The following LHFPL3 variants were observed in gnomAD, a reference collection of about 807,000 sequenced individuals.
LHFPL3 encodes the protein LHFPL tetraspan subfamily member 3 protein.
Under a neutral mutation model 19.3 loss-of-function variants are expected in LHFPL3, and 5 were observed. The observed-to-expected ratio is 0.26, with a 90% CI of 0.14 to 0.54. The LOEUF is 0.54. LHFPL3 is among the 20% of genes least tolerant of loss of function. LHFPL3 has a pLI of 0.94. For missense variants in LHFPL3, 249 were observed against 307.4 expected (o/e 0.81, Z 1.42); for synonymous variants, 133 against 126.2 (o/e 1.05, Z -0.36).
intron 2 of LHFPL3, among the ~76,000 whole-genome samples, chr7:104,850,689 G>T (rs541768979): frequency 4.5e-4 from 69 of 151,978 alleles, no homozygotes; most frequent in Middle Eastern, 6.8e-3. Flanking sequence ...TATTAGAAAC[G>T]CAAGTTTTCA....
chr7:104,794,171 T>A (rs1298569261), intron 2 of LHFPL3, among the ~76,000 whole-genome samples: 1 of 152,202 alleles, frequency 6.6e-6, no homozygotes, highest in Non-Finnish European at 1.5e-5. Flanking sequence ...TCTTAACAAA[T>A]CTGCTCTAAA....
intron 1 of LHFPL3, 112 bp downstream of exon 1, chr7:104,329,336 T>C: frequency 7.2e-7 from 1 of 1,381,998 alleles, no homozygotes; most frequent in Non-Finnish European, 9.7e-7. Context: ...CCAAGCCGCC[T>C]AATCCGCTCA....
At chr7:104,347,548 C>T (rs7794488) in intron 1 of LHFPL3, among the ~76,000 whole-genome samples, 2 of 151,956 alleles carry the variant, frequency 1.3e-5, no homozygotes, top group Non-Finnish European at 2.9e-5. Context: ...CAGGGACCAT[C>T]GCTGTTTTAC....
At chr7:104,604,730 T>A (rs1403431143) in intron 1 of LHFPL3, among the ~76,000 whole-genome samples, 2 of 152,250 alleles carry the variant, frequency 1.3e-5, no homozygotes, top group Non-Finnish European at 2.9e-5. Flanking sequence ...ACTGTGTCTG[T>A]AACTATGATA....
chr7:104,794,051 T>A (rs1790071739), intron 2 of LHFPL3, among the ~76,000 whole-genome samples: 1 of 152,216 alleles, frequency 6.6e-6, no homozygotes, highest in African/African-American at 2.4e-5. Flanking sequence ...TCCCACTTTG[T>A]GAATTCACTG....
Position 104,703,936 on chromosome 7 carries a change from T to C in LHFPL3, c.446-32739T>C, listed in dbSNP as rs150300123. On this transcript the variant is annotated intron_variant, in intron 1 of 2. Transcript: ENST00000424859. ...TCCCCCACAGTTGTCATCACACTTG[T>C]ATTTCTCTTTTAATATATCACAATA... Among the ~76,000 whole-genome samples, 8 of 152,322 alleles carry C rather than the reference T, an allele frequency of 5.3e-5. 1 individual carries two copies. Among genetic ancestry groups the C allele is most frequent in the African/African-American group, 1.9e-4 (8 of 41,578 alleles).
chr7:104,843,818 G>T (rs995371811), intron 2 of LHFPL3, among the ~76,000 whole-genome samples: 1 of 152,104 alleles, frequency 6.6e-6, no homozygotes, highest in South Asian at 2.1e-4. Context: ...GAAGGAATTG[G>T]GTGTCCAGAA....
chr7:104,578,938 C>T (rs749212989), intron 1 of LHFPL3, among the ~76,000 whole-genome samples: 4 of 152,140 alleles, frequency 2.6e-5, no homozygotes, highest in Admixed American at 6.6e-5. Context: ...TAGGGCCTTG[C>T]CCACCAGTGT....
rs530875801 is a variant in LHFPL3 at position 104,412,447 on chromosome 7, A to G, written c.445+83223A>G. On this transcript the variant is annotated intron_variant, in intron 1 of 2. Coordinates refer to ENST00000424859, the MANE Select transcript of LHFPL3 (RefSeq NM_199000.3). ...GAGCAAATGAAAGCTAGAATTGTTC[A>G]TAGTTATTAAAAATATGCCTAGACA... Among the ~76,000 whole-genome samples the G allele has an allele frequency of 2.6e-5, 4 of 152,266 alleles. No homozygotes were observed. The East Asian group carries it at 7.7e-4, about 29-fold the overall frequency.
At chr7:104,364,519 C>T (rs1183873174) in intron 1 of LHFPL3, among the ~76,000 whole-genome samples, 1 of 152,262 alleles carries the variant, frequency 6.6e-6, no homozygotes, top group East Asian at 1.9e-4. Flanking sequence ...TCCAAAGAAC[C>T]CAGATCTTCT....
intron 1 of LHFPL3, among the ~76,000 whole-genome samples, chr7:104,526,592 C>T (rs2115829943): frequency 6.6e-6 from 1 of 152,304 alleles, no homozygotes; most frequent in South Asian, 2.1e-4. Flanking sequence ...CTCTTAGTGA[C>T]ATTAGTTAGG....
In LHFPL3 at chr7:104,414,749, A is replaced by G. The variant is rs115992676; in HGVS notation, c.445+85525A>G. Among the ~76,000 whole-genome samples the G allele has an allele frequency of 5.4e-3, 816 of 152,322 alleles. 11 individuals are homozygous for G. The highest frequency in any genetic ancestry group is 0.019 in the African/African-American group (775 of 41,566). ...ATCCAAAACAGGCTCTTTGCATTCA[A>G]TTTCGTGCTGCCAACCAGCAGCCTT... On this transcript the variant is annotated intron_variant, in intron 1 of 2. Transcript: ENST00000424859.
intron 1 of LHFPL3, among the ~76,000 whole-genome samples, chr7:104,478,671 A>G (rs977820341): frequency 6.6e-6 from 1 of 152,202 alleles, no homozygotes; most frequent in Non-Finnish European, 1.5e-5. Flanking sequence ...CCATCCCTGC[A>G]TCTTAAATCT....
chr7:104,364,038 T>C (rs1790438705), intron 1 of LHFPL3, among the ~76,000 whole-genome samples: 1 of 152,172 alleles, frequency 6.6e-6, no homozygotes, highest in South Asian at 2.1e-4. Context: ...AGCTGAAGCT[T>C]CCTATATCTG....
At position 104,865,593 on chromosome 7, in the gene LHFPL3, G is replaced by A. The variant is rs144432083; in HGVS notation, c.683-40594G>A. On this transcript the variant is annotated intron_variant, in intron 2 of 2. Transcript: ENST00000424859. ...GACTGTGTGAGAAGACCAAATCTAC[G>A]TCTGACTGGTGTACCTAAAAGTAAT... Among the ~76,000 whole-genome samples the A allele has an allele frequency of 1.8e-3, 272 of 152,290 alleles. 2 individuals carry two copies. The highest frequency in any genetic ancestry group is 6.1e-3 in the African/African-American group (254 of 41,558).
chr7:104,829,479 C>T (rs187475341), intron 2 of LHFPL3, among the ~76,000 whole-genome samples: 524 of 151,902 alleles, frequency 3.4e-3, no homozygotes, highest in Non-Finnish European at 5.4e-3. Flanking sequence ...ATCCCTCCCC[C>T]ATCCCCCTAC....
chr7:104,876,928 A>G (rs942319380), intron 2 of LHFPL3, among the ~76,000 whole-genome samples: 6 of 152,228 alleles, frequency 3.9e-5, no homozygotes, highest in Admixed American at 1.3e-4. Flanking sequence ...CATATACACC[A>G]TGGAATACTA....
intron 2 of LHFPL3, among the ~76,000 whole-genome samples, chr7:104,884,070 A>G (rs142040638): frequency 5.6e-4 from 85 of 152,266 alleles, no homozygotes; most frequent in African/African-American, 1.8e-3. Flanking sequence ...ATCCCCAAAC[A>G]GAGATAATAA....
At chr7:104,710,751 C>G (rs1327585565) in intron 1 of LHFPL3, among the ~76,000 whole-genome samples, 1 of 152,182 alleles carries the variant, frequency 6.6e-6, no homozygotes, top group Non-Finnish European at 1.5e-5. Context: ...GCACTTGGCA[C>G]ATAATAAATG....
Sources: gnomAD v4.1 joint callset for allele counts (sites outside exome capture counted in the v4.1 genomes callset) on GRCh38, gnomAD v4.1.1 for gene constraint, MANE v1.5 for transcripts, NCBI Gene and HGNC (gene_info 2026-07-23, HGNC 2026-07-21) for gene names.